SLC1A7: variants seen among roughly 807,000 people sequenced by gnomAD.
SLC1A7 encodes the protein solute carrier family 1 member 7.
SLC1A7 carries 40 observed loss-of-function variants against 47.7 expected under a neutral mutation model. The ratio of observed to expected loss-of-function variants is 0.84; its 90% CI spans 0.65 to 1.09. The LOEUF (loss-of-function observed/expected upper bound fraction) is 1.09. Among genes scored for constraint, SLC1A7 ranks in the 50% least tolerant of loss-of-function variants. The pLI is 0.00. For missense variants in SLC1A7, 746 were observed against 769.5 expected (o/e 0.97, Z 0.36); for synonymous variants, 323 against 325.6 (o/e 0.99, Z 0.09).
chr1:53,095,947 G>A (rs1486006148), intron 5 of SLC1A7, among the ~76,000 whole-genome samples: 1 of 128,626 alleles, frequency 7.8e-6, no homozygotes, highest in Non-Finnish European at 1.6e-5. Context: ...CCTTGGTACA[G>A]TCACACCACC....
chr1:53,087,582 A>T lies in SLC1A7; in HGVS notation c.*427T>A, dbSNP rs549859921. Reference sequence around the variant, plus strand: ...GTTATGGGGTGGGGCCTGGGCCTGGACACAGCTGCAGGCTGCCCTGTCCTC... The same window carrying T: ...GTTATGGGGTGGGGCCTGGGCCTGGTCACAGCTGCAGGCTGCCCTGTCCTC... On this transcript the variant is annotated 3_prime_UTR_variant, in exon 11 of 11. Transcript: ENST00000371494. 6.5e-6 allele frequency: 1 copy of T among 153,556 alleles called. No homozygotes were observed. The highest frequency in any genetic ancestry group is 1.9e-4 in the East Asian group (1 of 5,228). The allele number at this position is 153,556 out of a possible 1,614,324, so 9.5% of individuals were successfully genotyped here.
intron 3 of SLC1A7, chr1:53,114,442 T>A: frequency 2.7e-6 from 1 of 376,510 alleles, no homozygotes; most frequent in Non-Finnish European, 4.9e-6. Context: ...AGAGGACCAA[T>A]AAACAAAGGG....
chr1:53,114,209 A>G (rs1420893703), intron 3 of SLC1A7, among the ~76,000 whole-genome samples: 2 of 152,170 alleles, frequency 1.3e-5, no homozygotes, highest in Non-Finnish European at 2.9e-5. Context: ...CTGGGTCTGC[A>G]GTGCTTCCCT....
At chr1:53,103,153 CA>C (rs1186283773) in intron 5 of SLC1A7, 192 bp downstream of exon 5, 26 of 527,078 alleles carry the variant, frequency 4.9e-5, no homozygotes, top group East Asian at 2.9e-4. Flanking sequence ...GGGGAGGTGC[CA>C]GGGGGAAGCC....
intron 1 of SLC1A7, among the ~76,000 whole-genome samples, chr1:53,140,429 C>T (rs1645045888): frequency 6.6e-6 from 1 of 151,964 alleles, no homozygotes; most frequent in Admixed American, 6.5e-5. Flanking sequence ...TGAGCGTTCT[C>T]TCTGTGCCTG....
chr1:53,115,325 G>T (rs965353271), intron 2 of SLC1A7: 1 of 313,478 alleles, frequency 3.2e-6, no homozygotes, highest in Non-Finnish European at 6.1e-6. Context: ...CCCATGCTTG[G>T]TGTCCTCTCA....
chr1:53,099,471 CCT>C (rs1644545411), intron 5 of SLC1A7, among the ~76,000 whole-genome samples: 6 of 151,332 alleles, frequency 4.0e-5, no homozygotes, highest in Non-Finnish European at 4.4e-5. Context: ...CACTCACACA[CCT>C]CGCCTCAGTA....
chr1:53,089,815 G>C lies in SLC1A7; in HGVS notation c.1346C>G (p.Ala449Gly). Residue 449 changes from alanine (A) to glycine (G), a missense_variant, in exon 9 of 11, where the codon GCC becomes GGC. Physicochemically the swap from Ala to Gly is moderately conservative, Grantham distance 60. Coordinates refer to ENST00000371494, the MANE Select transcript of SLC1A7 (RefSeq NM_006671.6). The stretch of plus-strand genomic sequence containing the variant: ...GTCCACTCACAGAGCCCAGTCAACG[G>C]CAATGATGAGGGTGATGTCATCGGT... ...LPTDDITLII[A>G]VDWALDRFRT... 1.2e-6 allele frequency: 2 copies of C among 1,614,008 alleles called. No homozygotes were observed. The highest frequency in any genetic ancestry group is 1.7e-6 in the Non-Finnish European group (2 of 1,180,006).
intron 2 of SLC1A7, chr1:53,115,250 C>T: frequency 1.8e-6 from 1 of 544,908 alleles, no homozygotes; most frequent in Non-Finnish European, 3.3e-6. Flanking sequence ...ATGGTGGGGA[C>T]ACTGTTGGGG....
At chr1:53,128,194 G>A (rs1185769792) in intron 2 of SLC1A7, among the ~76,000 whole-genome samples, 1 of 152,170 alleles carries the variant, frequency 6.6e-6, no homozygotes, top group Non-Finnish European at 1.5e-5. Flanking sequence ...TAGGAATTGG[G>A]CAGGGTGCGG....
At chr1:53,121,943 G>A (rs965871983) in intron 2 of SLC1A7, among the ~76,000 whole-genome samples, 2 of 152,104 alleles carry the variant, frequency 1.3e-5, no homozygotes, top group African/African-American at 2.4e-5. Flanking sequence ...GGGGCGGGGT[G>A]TGTGTGTCCT....
At chr1:53,091,228 G>A (rs938592396) in intron 7 of SLC1A7, among the ~76,000 whole-genome samples, 1 of 152,238 alleles carries the variant, frequency 6.6e-6, no homozygotes, top group Non-Finnish European at 1.5e-5. Flanking sequence ...AGGATTAAAC[G>A]ACTACGGGCT....
At chr1:53,142,029 C>T (rs1263031222) in intron 1 of SLC1A7, among the ~76,000 whole-genome samples, 1 of 152,196 alleles carries the variant, frequency 6.6e-6, no homozygotes, top group Non-Finnish European at 1.5e-5. Flanking sequence ...TTCCCCGCCA[C>T]AGCTCTTGGC....
chr1:53,104,498 T>G (rs1355751325), intron 4 of SLC1A7, among the ~76,000 whole-genome samples: 1 of 152,188 alleles, frequency 6.6e-6, no homozygotes, highest in East Asian at 1.9e-4. Context: ...TCCTGAAGGA[T>G]GGGTAGGAGT....
intron 2 of SLC1A7, among the ~76,000 whole-genome samples, chr1:53,118,125 C>T (rs1336688476): frequency 6.6e-6 from 1 of 152,236 alleles, no homozygotes; most frequent in African/African-American, 2.4e-5. Context: ...AGCTCACAGG[C>T]ACAGAAAGGA....
At chr1:53,140,565 G>A (rs1333947377) in intron 1 of SLC1A7, among the ~76,000 whole-genome samples, 4 of 152,152 alleles carry the variant, frequency 2.6e-5, no homozygotes, top group Non-Finnish European at 4.4e-5. Flanking sequence ...AGCCAGCAGC[G>A]GGGTTACAGT....
chr1:53,099,501 A>G (rs370433250), intron 5 of SLC1A7, among the ~76,000 whole-genome samples: 2 of 125,594 alleles, frequency 1.6e-5, no homozygotes, highest in East Asian at 2.4e-4. Context: ...CCGCCTCAGT[A>G]CACTCACTCA....
rs1414355329 is a variant in SLC1A7 at position 53,128,536 on chromosome 1, C to A, written c.215+5814G>T. On this transcript the variant is annotated intron_variant, in intron 2 of 10. Transcript: ENST00000371494. ...GATAAGGAGGCTCTGACTGTCATGGCGCAAGGAATGGCTCTGGGTGCCAGG... is the reference window on the plus strand; with the variant it reads ...GATAAGGAGGCTCTGACTGTCATGGAGCAAGGAATGGCTCTGGGTGCCAGG... 5.6e-5 allele frequency among the ~76,000 whole-genome samples: 8 copies of A among 143,128 alleles called. 2 individuals are homozygous for A. In the Admixed American group the frequency reaches 5.6e-4, roughly 10 times the overall value. The allele number at this position is 143,128 out of a possible 152,430, so 93.9% of individuals were successfully genotyped here. A position where few individuals can be genotyped will look rare whatever the true frequency, so the allele number is the denominator to read the frequency against.
chr1:53,101,068 C>G (rs780849618), intron 5 of SLC1A7, among the ~76,000 whole-genome samples: 1 of 151,788 alleles, frequency 6.6e-6, no homozygotes, highest in Non-Finnish European at 1.5e-5. Flanking sequence ...TCGGTACACT[C>G]ACACACACCA....
Sources: gnomAD v4.1 joint callset for allele counts (sites outside exome capture counted in the v4.1 genomes callset) on GRCh38, gnomAD v4.1.1 for gene constraint, MANE v1.5 for transcripts, NCBI Gene and HGNC (gene_info 2026-07-23, HGNC 2026-07-21) for gene names.